The following CNTN4 variants were observed in gnomAD, a reference collection of about 807,000 sequenced individuals.
CNTN4 encodes the protein contactin-4.
CNTN4 carries 77 observed loss-of-function variants against 122.5 expected under a neutral mutation model. The ratio of observed to expected loss-of-function variants is 0.63; its 90% CI spans 0.52 to 0.76. The LOEUF is 0.76. Ranked by LOEUF, CNTN4 falls within the 30% of genes least tolerant of loss-of-function variation. The pLI is 0.00. For synonymous variants in CNTN4, 512 were observed against 447.0 expected, an observed-to-expected ratio of 1.15 and a Z score of -1.83; for missense variants, 1,256 against 1,259.1, an observed-to-expected ratio of 1.00 and a Z score of 0.04.
intron 14 of CNTN4, chr3:2,999,293 AC>A (rs1308875043): frequency 3.9e-5 from 6 of 152,232 alleles, no homozygotes; most frequent in Admixed American, 3.9e-4. Context: ...CATCAGCAAA[AC>A]AAAACAAAAA....
chr3:2,160,513 C>G (rs531624675), intron 2 of CNTN4, among the ~76,000 whole-genome samples: 1 of 152,254 alleles, frequency 6.6e-6, no homozygotes, highest in Non-Finnish European at 1.5e-5. Context: ...ATATTGCTCA[C>G]TGTTATTTAT....
intron 13 of CNTN4, among the ~76,000 whole-genome samples, chr3:2,929,850 A>G (rs1176621747): frequency 1.3e-5 from 2 of 152,194 alleles, no homozygotes; most frequent in African/African-American, 4.8e-5. Context: ...GTTTTCCCAA[A>G]GAAATCGAGC....
At chr3:2,594,325 A>C (rs2080654501) in intron 4 of CNTN4, among the ~76,000 whole-genome samples, 1 of 152,220 alleles carries the variant, frequency 6.6e-6, no homozygotes, top group Non-Finnish European at 1.5e-5. Context: ...CCATGAAAAC[A>C]TAAAAATTCT....
At chr3:2,104,338 A>G (rs1432513226) in intron 2 of CNTN4, among the ~76,000 whole-genome samples, 1 of 151,970 alleles carries the variant, frequency 6.6e-6, no homozygotes, top group Non-Finnish European at 1.5e-5. Context: ...TTTTCAGCCA[A>G]ATTCCACAGG....
In CNTN4 at chr3:2,617,078, C is replaced by T. The variant is rs184326303; in HGVS notation, c.55+45520C>T. 2.2e-4 allele frequency among the ~76,000 whole-genome samples: 33 copies of T among 152,232 alleles called. No homozygotes were observed. The East Asian group carries it at 2.3e-3, about 11-fold the overall frequency. On this transcript the variant is annotated intron_variant, in intron 4 of 24. Coordinates refer to ENST00000418658, the MANE Select transcript of CNTN4 (RefSeq NM_175607.3). ...GGCAATACCATTCAGGACACGGGCACGGGCAAAGACTTCATGACGTCAATG... is the reference window on the plus strand; with the variant it reads ...GGCAATACCATTCAGGACACGGGCATGGGCAAAGACTTCATGACGTCAATG...
intron 2 of CNTN4, among the ~76,000 whole-genome samples, chr3:2,146,254 C>G (rs969646601): frequency 2.0e-4 from 30 of 150,776 alleles, no homozygotes; most frequent in African/African-American, 7.3e-4. Flanking sequence ...ATATGCTAAA[C>G]CTAGAGTAAC....
chr3:2,794,770 G>A (rs771356277), intron 6 of CNTN4, among the ~76,000 whole-genome samples: 5 of 152,202 alleles, frequency 3.3e-5, no homozygotes, highest in Non-Finnish European at 1.5e-5. Flanking sequence ...TGGAGCCTGG[G>A]AAGTACTAAA....
At chr3:2,671,865 C>G (rs1309944116) in intron 4 of CNTN4, among the ~76,000 whole-genome samples, 1 of 152,210 alleles carries the variant, frequency 6.6e-6, no homozygotes, top group Non-Finnish European at 1.5e-5. Flanking sequence ...GAGGTCCACT[C>G]CAGACCCTGT....
At chr3:2,201,417 T>C (rs899950127) in intron 2 of CNTN4, among the ~76,000 whole-genome samples, 4 of 152,214 alleles carry the variant, frequency 2.6e-5, no homozygotes, top group African/African-American at 9.6e-5. Context: ...ATACATTAGC[T>C]GGCAGAGAAT....
intron 3 of CNTN4, among the ~76,000 whole-genome samples, chr3:2,507,885 C>CCA (rs200242924): frequency 1.3e-5 from 2 of 151,774 alleles, no homozygotes; most frequent in Non-Finnish European, 2.9e-5. Flanking sequence ...TTCTCCCTCT[C>CCA]CACACACACA....
In CNTN4 at chr3:2,997,126, A is replaced by C. The variant is rs17024466; in HGVS notation, c.1486+8654A>C. On this transcript the variant is annotated intron_variant, in intron 14 of 24. Coordinates refer to ENST00000418658, the MANE Select transcript of CNTN4 (RefSeq NM_175607.3). ...TTGTTTTCAAACTATGGAGTCTTTA[A>C]AAATAATTTCCATAGCTGAAATGGA... 4.7e-3 allele frequency among the ~76,000 whole-genome samples: 719 copies of C among 152,344 alleles called. 9 individuals carry two copies. Among genetic ancestry groups the C allele is most frequent in the African/African-American group, 0.016 (669 of 41,572 alleles).
At chr3:2,852,827 T>C (rs1040453368) in intron 7 of CNTN4, among the ~76,000 whole-genome samples, 28 of 152,244 alleles carry the variant, frequency 1.8e-4, no homozygotes, top group Admixed American at 8.5e-4. Flanking sequence ...TGGTCTTGCC[T>C]AGATGTCCCA....
chr3:2,603,768 A>G (rs2081145982), intron 4 of CNTN4, among the ~76,000 whole-genome samples: 1 of 152,222 alleles, frequency 6.6e-6, no homozygotes, highest in African/African-American at 2.4e-5. Context: ...TTAGTATGAC[A>G]GAAAGAAAAC....
intron 3 of CNTN4, among the ~76,000 whole-genome samples, chr3:2,473,988 T>A (rs1260491410): frequency 6.6e-6 from 1 of 150,952 alleles, no homozygotes; most frequent in East Asian, 1.9e-4. Context: ...CACTCCAGCC[T>A]GGGCGACAAA....
intron 3 of CNTN4, among the ~76,000 whole-genome samples, chr3:2,394,694 C>G (rs2150915378): frequency 6.6e-6 from 1 of 151,680 alleles, no homozygotes; most frequent in Admixed American, 6.6e-5. Context: ...CACATCTATG[C>G]TATGACTCAG....
intron 6 of CNTN4, among the ~76,000 whole-genome samples, chr3:2,817,337 T>TA (rs1271076716): frequency 6.6e-6 from 1 of 152,216 alleles, no homozygotes; most frequent in Non-Finnish European, 1.5e-5. Flanking sequence ...TCAACACAGC[T>TA]AATAAGTGGC....
intron 7 of CNTN4, among the ~76,000 whole-genome samples, chr3:2,820,645 G>A (rs2092842399): frequency 6.6e-6 from 1 of 152,018 alleles, no homozygotes; most frequent in Non-Finnish European, 1.5e-5. Flanking sequence ...CTCACCAAGA[G>A]TCACCTAATT....
intron 6 of CNTN4, among the ~76,000 whole-genome samples, chr3:2,793,052 G>C (rs1300659230): frequency 6.6e-6 from 1 of 152,156 alleles, no homozygotes; most frequent in Non-Finnish European, 1.5e-5. Flanking sequence ...AGCAAGTTCA[G>C]TTGCTGAATT....
In CNTN4 at chr3:2,170,299, G is replaced by T. The variant is rs546169501; in HGVS notation, c.-145+69660G>T. ...CGCGCCACCGCACTCCAGCCTGGGCGACACACCAAGACTCCGTCTCAAAAC... is the reference window on the plus strand; with the variant it reads ...CGCGCCACCGCACTCCAGCCTGGGCTACACACCAAGACTCCGTCTCAAAAC... On this transcript the variant is annotated intron_variant, in intron 2 of 24. Coordinates refer to ENST00000418658, the MANE Select transcript of CNTN4 (RefSeq NM_175607.3). Among the ~76,000 whole-genome samples, 5 of 151,970 alleles carry T rather than the reference G, an allele frequency of 3.3e-5. No homozygotes were observed. In the South Asian group the frequency reaches 1.0e-3, roughly 32 times the overall value.
Sources: gnomAD v4.1 joint callset for allele counts (sites outside exome capture counted in the v4.1 genomes callset) on GRCh38, gnomAD v4.1.1 for gene constraint, MANE v1.5 for transcripts, NCBI Gene and HGNC (gene_info 2026-07-23, HGNC 2026-07-21) for gene names.